IMMP2L: variants seen among roughly 807,000 people sequenced by gnomAD.
IMMP2L encodes the protein inner mitochondrial membrane peptidase subunit 2, also known as mitochondrial inner membrane protease subunit 2.
IMMP2L carries 18 observed loss-of-function variants against 19.3 expected under a neutral mutation model. That is an observed-to-expected ratio of 0.93 (90% CI 0.64 to 1.38). The LOEUF is 1.38. Ranked by LOEUF, IMMP2L falls within the 40% of genes most tolerant of loss-of-function variation. The pLI, the probability that IMMP2L is intolerant of heterozygous loss-of-function variation, is 0.00. For missense variants in IMMP2L, 233 were observed against 218.2 expected (o/e 1.07, Z -0.43); for synonymous variants, 76 against 73.0 (o/e 1.04, Z -0.21).
chr7:111,491,691 T>C (rs1843119800), intron 2 of IMMP2L, among the ~76,000 whole-genome samples: 1 of 152,158 alleles, frequency 6.6e-6, no homozygotes. Context: ...GTATGCTCTC[T>C]ATCTCATTCA....
chr7:111,489,722 T>C (rs1842940545), intron 2 of IMMP2L, among the ~76,000 whole-genome samples: 1 of 152,174 alleles, frequency 6.6e-6, no homozygotes, highest in Non-Finnish European at 1.5e-5. Flanking sequence ...TGGTTATCCT[T>C]GAACACCTCA....
chr7:110,821,184 A>G (rs1205562715), intron 5 of IMMP2L, among the ~76,000 whole-genome samples: 1 of 152,066 alleles, frequency 6.6e-6, no homozygotes, highest in Non-Finnish European at 1.5e-5. Flanking sequence ...AGATACTCTG[A>G]TTATTTCTGT....
At chr7:111,462,030 C>CTA (rs1313737086) in intron 3 of IMMP2L, among the ~76,000 whole-genome samples, 13 of 151,732 alleles carry the variant, frequency 8.6e-5, no homozygotes, top group Non-Finnish European at 1.6e-4. Context: ...TGTGTATGTA[C>CTA]TATAGTATCT....
chr7:111,098,907 A>C (rs1406849836), intron 3 of IMMP2L, among the ~76,000 whole-genome samples: 1 of 151,744 alleles, frequency 6.6e-6, no homozygotes, highest in African/African-American at 2.4e-5. Flanking sequence ...TTCTCTATCA[A>C]AATACAGTAA....
chr7:110,865,186 C>T (rs1807860459), intron 5 of IMMP2L, among the ~76,000 whole-genome samples: 2 of 152,024 alleles, frequency 1.3e-5, no homozygotes, highest in South Asian at 2.1e-4. Flanking sequence ...TGCACACACA[C>T]ACACACTGTA....
intron 3 of IMMP2L, among the ~76,000 whole-genome samples, chr7:111,432,404 G>C (rs1836725311): frequency 6.6e-6 from 1 of 151,742 alleles, no homozygotes; most frequent in Non-Finnish European, 1.5e-5. Flanking sequence ...AGCAAGGATG[G>C]TTCAAAAGAC....
At chr7:111,495,045 A>C (rs1451992156) in intron 2 of IMMP2L, among the ~76,000 whole-genome samples, 1 of 152,156 alleles carries the variant, frequency 6.6e-6, no homozygotes, top group Non-Finnish European at 1.5e-5. Context: ...AAAAAAATTT[A>C]ATATGCATAA....
intron 2 of IMMP2L, among the ~76,000 whole-genome samples, chr7:111,502,655 G>A (rs1462980992): frequency 6.6e-6 from 1 of 151,630 alleles, no homozygotes; most frequent in Admixed American, 6.6e-5. Context: ...TAGAACTCAG[G>A]ATTAAGAAAC....
intron 5 of IMMP2L, among the ~76,000 whole-genome samples, chr7:110,816,525 A>G (rs1490836255): frequency 2.0e-5 from 3 of 151,608 alleles, no homozygotes; most frequent in Admixed American, 6.6e-5. Context: ...TATCCTTGTT[A>G]ACTTTCTGTC....
intron 5 of IMMP2L, among the ~76,000 whole-genome samples, chr7:110,744,028 C>T (rs112935016): frequency 2.0e-5 from 3 of 152,170 alleles, no homozygotes; most frequent in Non-Finnish European, 4.4e-5. Flanking sequence ...GCTGCCAGCA[C>T]AGCAGCAGTC....
At chr7:111,057,970 T>C (rs922289567) in intron 3 of IMMP2L, among the ~76,000 whole-genome samples, 6 of 152,190 alleles carry the variant, frequency 3.9e-5, no homozygotes, top group African/African-American at 1.2e-4. Flanking sequence ...ATTATATGTA[T>C]TAAATGAAAG....
intron 3 of IMMP2L, among the ~76,000 whole-genome samples, chr7:111,484,210 T>C (rs2132237666): frequency 6.6e-6 from 1 of 152,236 alleles, no homozygotes; most frequent in East Asian, 1.9e-4. Context: ...TATTAGAAAC[T>C]TCATGTCTTT....
intron 1 of IMMP2L, among the ~76,000 whole-genome samples, chr7:111,524,991 G>A (rs1563310786): frequency 1.3e-5 from 2 of 152,112 alleles, no homozygotes; most frequent in African/African-American, 4.8e-5. Context: ...TTAGGTACCA[G>A]GGAATCATAA....
intron 3 of IMMP2L, chr7:111,392,903 G>A: frequency 2.2e-6 from 1 of 450,662 alleles, no homozygotes; most frequent in South Asian, 1.6e-5. Context: ...TTGTCCCCAT[G>A]GAGCTGGGGG....
intron 3 of IMMP2L, among the ~76,000 whole-genome samples, chr7:111,135,230 G>C (rs539595270): frequency 6.6e-5 from 10 of 152,132 alleles, no homozygotes; most frequent in African/African-American, 2.4e-4. Context: ...AATCAAATAT[G>C]AGGATATTAT....
rs575515996 is a variant in IMMP2L at position 111,528,492 on chromosome 7, A to G, written c.-2-7043T>C. Among the ~76,000 whole-genome samples, 8 of 152,290 alleles carry G rather than the reference A, an allele frequency of 5.3e-5. No homozygotes were observed. In the East Asian group the frequency reaches 1.2e-3, roughly 22 times the overall value. On this transcript the variant is annotated intron_variant, in intron 1 of 5. Coordinates refer to ENST00000405709, the MANE Select transcript of IMMP2L (RefSeq NM_032549.4). ...TTTTTTAAATAAGCTTTCAGAATCA[A>G]GTGAAACCATATTTGCCACCTGGCA... is the stretch of plus-strand genomic sequence containing the variant.
chr7:111,106,367 A>G (rs1798548042), intron 3 of IMMP2L, among the ~76,000 whole-genome samples: 1 of 151,908 alleles, frequency 6.6e-6, no homozygotes, highest in African/African-American at 2.4e-5. Context: ...AACTTTTTTG[A>G]AGGATCTTAA....
At chr7:111,107,723 G>T (rs576465775) in intron 3 of IMMP2L, among the ~76,000 whole-genome samples, 153 of 152,156 alleles carry the variant, frequency 1.0e-3, no homozygotes, top group African/African-American at 3.6e-3. Context: ...TGTTATTTCA[G>T]ATCTAGTGAG....
intron 3 of IMMP2L, among the ~76,000 whole-genome samples, chr7:111,303,640 TA>T (rs1163206817): frequency 6.6e-6 from 1 of 152,086 alleles, no homozygotes; most frequent in Non-Finnish European, 1.5e-5. Context: ...ATGTCAGAAA[TA>T]ATAATGGCAA....
Sources: allele counts gnomAD v4.1 joint callset (sites outside exome capture counted in the v4.1 genomes callset), GRCh38; gene constraint gnomAD v4.1.1; transcripts MANE v1.5; gene names NCBI Gene and HGNC (gene_info 2026-07-23, HGNC 2026-07-21).